The following STK33 variants were observed in gnomAD, a reference collection of about 807,000 sequenced individuals.
STK33 encodes serine/threonine-protein kinase 33.
In STK33, 52 loss-of-function variants were observed where a neutral mutation model predicts 58.0. The observed-to-expected ratio is 0.90, with a 90% CI of 0.72 to 1.13. The LOEUF (loss-of-function observed/expected upper bound fraction) is 1.13. STK33 is among the 50% of genes most tolerant of loss of function. The probability of loss-of-function intolerance (pLI) is 0.00; values close to 1 mark genes in which losing one functional copy is unlikely to be tolerated. For synonymous variants in STK33, 215 were observed against 200.1 expected (o/e 1.07, Z -0.63); for missense variants, 630 against 604.2 (o/e 1.04, Z -0.45).
chr11:8,502,325 A>T (rs1414651492), intron 1 of STK33, among the ~76,000 whole-genome samples: 1 of 152,162 alleles, frequency 6.6e-6, no homozygotes, highest in Non-Finnish European at 1.5e-5. Context: ...GCCCAGAAAT[A>T]ATGCTGTGCA....
Position 8,457,456 on chromosome 11 carries a change from A to G in STK33, c.582T>C (p.Leu194=). Residue 194 remains leucine (L), a synonymous_variant, in exon 9 of 16, where the codon CTT becomes CTC. Coordinates refer to ENST00000687296, the MANE Select transcript of STK33 (RefSeq NM_001352389.2). ...TTTCTTTGAGTTCTCCATCCTCACA[A>G]AGCTCCATCACAAGGTACATTTTCT... ...TPKKMYLVME[L]CEDGELKEIL... 1 of 1,600,720 alleles carries G rather than the reference A, an allele frequency of 6.2e-7. No individual in the cohort carries two copies. Among genetic ancestry groups the G allele is most frequent in the Non-Finnish European group, 8.5e-7 (1 of 1,170,680 alleles).
chr11:8,386,218 T>C, the STK33 span, among the ~76,000 whole-genome samples: 1 of 152,172 alleles, frequency 6.6e-6, no homozygotes, highest in Non-Finnish European at 1.5e-5. Context: ...TCACTGCAGG[T>C]AAGACATTTC....
intron 1 of STK33, among the ~76,000 whole-genome samples, chr11:8,506,667 G>C (rs191460770): frequency 2.0e-5 from 3 of 152,174 alleles, no homozygotes; most frequent in Admixed American, 1.3e-4. Context: ...ATTCTGCAAT[G>C]TCTCTTTTGC....
At position 8,457,356 on chromosome 11, in the gene STK33, A is replaced by G. The variant is rs1946985392; in HGVS notation, c.682T>C (p.Tyr228His). 2 of 1,590,976 alleles carry G rather than the reference A, an allele frequency of 1.3e-6. No homozygotes were observed. The highest frequency in any genetic ancestry group is 2.7e-5 in the African/African-American group (2 of 74,718). ...IIQSLASAIA[Y>H]LHNNDIVHRD... ...CTCTTCTTACCATTATTGTGAAGAT[A>G]TGCTATAGCTGATGCGAGACTTTGA... is the stretch of plus-strand genomic sequence containing the variant. Residue 228 changes from tyrosine to histidine, a missense_variant, in exon 9 of 16, where the codon TAT (tyrosine) becomes CAT (histidine). Transcript: ENST00000687296.
At chr11:8,438,488 C>G (rs557827789) in intron 12 of STK33, among the ~76,000 whole-genome samples, 1 of 152,184 alleles carries the variant, frequency 6.6e-6, no homozygotes, top group South Asian at 2.1e-4. Flanking sequence ...TATGTTTGTG[C>G]TCTTGATTAA....
At chr11:8,440,871 G>A (rs547678931) in intron 11 of STK33, 118 bp from the exon 12 acceptor site, 1 of 974,012 alleles carries the variant, frequency 1.0e-6, no homozygotes, top group East Asian at 2.7e-5. Flanking sequence ...ATAGGGAAAA[G>A]AGAACCAACA....
intron 1 of STK33, among the ~76,000 whole-genome samples, chr11:8,524,640 G>A (rs1003062854): frequency 1.3e-5 from 2 of 151,982 alleles, no homozygotes; most frequent in African/African-American, 4.8e-5. Flanking sequence ...ATGTTTTTGT[G>A]ACCAGAAATA....
At chr11:8,361,897 G>A in the STK33 span, among the ~76,000 whole-genome samples, 147 of 152,308 alleles carry the variant, frequency 9.7e-4, 1 homozygote, top group Admixed American at 2.4e-3. The surrounding 1 kb of genome is among the most constrained non-coding windows in gnomAD (Gnocchi z 4.8). Flanking sequence ...GTGCTCACGC[G>A]GGCCCATGGC....
At chr11:8,566,306 C>T (rs906244836) in intron 1 of STK33, among the ~76,000 whole-genome samples, 1 of 152,172 alleles carries the variant, frequency 6.6e-6, no homozygotes, top group African/African-American at 2.4e-5. Flanking sequence ...GAAATAAAAG[C>T]CTCTAGGCTA....
At chr11:8,464,672 A>C (rs2137430969) in intron 7 of STK33, 37 bp downstream of exon 7, 1 of 1,482,332 alleles carries the variant, frequency 6.7e-7, no homozygotes, top group Admixed American at 1.7e-5. Context: ...CTGCACTAAC[A>C]CTGTGCCCTC....
intron 15 of STK33, among the ~76,000 whole-genome samples, chr11:8,398,134 AG>A (rs1849704749): frequency 6.6e-6 from 1 of 152,208 alleles, no homozygotes; most frequent in Non-Finnish European, 1.5e-5. Context: ...CTCCTCGAGA[AG>A]AGCAACTCCA....
chr11:8,338,247 G>A, the STK33 span, among the ~76,000 whole-genome samples: 5 of 152,154 alleles, frequency 3.3e-5, no homozygotes, highest in African/African-American at 1.2e-4. Context: ...TCCAGAGGGC[G>A]CCACACAGGA....
chr11:8,520,923 G>C (rs562587711), intron 1 of STK33, among the ~76,000 whole-genome samples: 23 of 151,458 alleles, frequency 1.5e-4, no homozygotes, highest in African/African-American at 5.6e-4. Context: ...TACTGCACAA[G>C]GTAATTTATA....
At chr11:8,455,487 T>C (rs1946735502) in intron 9 of STK33, among the ~76,000 whole-genome samples, 1 of 152,112 alleles carries the variant, frequency 6.6e-6, no homozygotes, top group African/African-American at 2.4e-5. Flanking sequence ...TCAGTTCATA[T>C]CCATTGCAAA....
At chr11:8,362,906 C>T in the STK33 span, among the ~76,000 whole-genome samples, 6 of 125,576 alleles carry the variant, frequency 4.8e-5, no homozygotes, top group Admixed American at 5.2e-4. Flanking sequence ...CTCTCTCTCC[C>T]TTCCTTCCTT....
chr11:8,511,513 T>C (rs940428597), intron 1 of STK33, among the ~76,000 whole-genome samples: 1 of 152,204 alleles, frequency 6.6e-6, no homozygotes, highest in Non-Finnish European at 1.5e-5. Context: ...TCCAGTACTA[T>C]GTTAAACAGA....
At chr11:8,403,758 G>T (rs1030817149) in intron 15 of STK33, among the ~76,000 whole-genome samples, 1 of 152,206 alleles carries the variant, frequency 6.6e-6, no homozygotes, top group African/African-American at 2.4e-5. Context: ...CTCCATGTGT[G>T]CAAGGGGAGA....
chr11:8,385,567 T>C, the STK33 span, among the ~76,000 whole-genome samples: 1 of 152,338 alleles, frequency 6.6e-6, no homozygotes, highest in South Asian at 2.1e-4. Flanking sequence ...AGAAATGCCT[T>C]ATCTCTAATC....
Position 8,513,919 on chromosome 11 carries a change from A to AT in STK33, c.-465-33306dup, listed in dbSNP as rs575337635. On this transcript the variant is annotated intron_variant, in intron 1 of 15. Transcript: ENST00000687296. ...TCAAATACGAGTTCTTATTCATTCT[A>AT]TTTTTTGTACCAATTAACCACCCCC... is the stretch of plus-strand genomic sequence containing the variant. Among the ~76,000 whole-genome samples the AT allele has an allele frequency of 3.3e-5, 5 of 152,160 alleles. No individual in the cohort carries two copies. In the South Asian group the frequency reaches 6.2e-4, roughly 19 times the overall value.
Sources: gnomAD v4.1 joint callset for allele counts (sites outside exome capture counted in the v4.1 genomes callset) on GRCh38, gnomAD v4.1.1 for gene constraint, Gnocchi (gnomAD v3.1) non-coding constraint, MANE v1.5 for transcripts, NCBI Gene and HGNC (gene_info 2026-07-23, HGNC 2026-07-21) for gene names.